Variants in CASK observed in about 807,000 individuals in gnomAD.
CASK encodes peripheral plasma membrane protein CASK.
CASK carries 4 observed loss-of-function variants against 82.9 expected under a neutral mutation model. That is an observed-to-expected ratio of 0.05 (90% CI 0.02 to 0.11). The LOEUF (loss-of-function observed/expected upper bound fraction) is 0.11. Among genes scored for constraint, CASK ranks in the 10% least tolerant of loss-of-function variants. The pLI, the probability that CASK is intolerant of heterozygous loss-of-function variation, is 1.00. For synonymous variants in CASK, 259 were observed against 253.5 expected, an observed-to-expected ratio of 1.02 and a Z score of -0.20; for missense variants, 358 against 720.9, an observed-to-expected ratio of 0.50 and a Z score of 5.76.
intron 5 of CASK, among the ~76,000 whole-genome samples, chrX:41,708,116 C>CA (rs774468294): frequency 0.031 from 950 of 30,686 alleles, 8 homozygotes; most frequent in South Asian, 0.085. Context: ...GACTCCATCT[C>CA]AAAAAAAAAA....
At chrX:41,756,835 C>T in intron 3 of CASK, among the ~76,000 whole-genome samples, 1 of 112,230 alleles carries the variant, frequency 8.9e-6, no homozygotes, top group Non-Finnish European at 1.9e-5. Flanking sequence ...TGGATTCTAA[C>T]TCAGGCAAGC....
intron 2 of CASK, among the ~76,000 whole-genome samples, chrX:41,833,571 G>A (rs1263892373): frequency 9.0e-6 from 1 of 111,127 alleles, no homozygotes; most frequent in Non-Finnish European, 1.9e-5. Context: ...AATGACAGTT[G>A]CACAACTCTG....
intron 26 of CASK, chrX:41,522,365 T>C (rs1024415200): frequency 5.3e-5 from 6 of 112,224 alleles, no homozygotes; most frequent in Non-Finnish European, 9.4e-5. Context: ...TGTCCTCTTT[T>C]ACTGGCATTT....
intron 3 of CASK, among the ~76,000 whole-genome samples, chrX:41,752,568 G>C: frequency 8.9e-6 from 1 of 111,776 alleles, no homozygotes; most frequent in East Asian, 2.8e-4. Flanking sequence ...TGGGATTACA[G>C]GCATGAGCCA....
At chrX:41,818,603 T>C (rs1390188732) in intron 2 of CASK, among the ~76,000 whole-genome samples, 1 of 110,713 alleles carries the variant, frequency 9.0e-6, no homozygotes, top group Non-Finnish European at 1.9e-5. Context: ...ACCCTGTCTC[T>C]ATTTTTTAAA....
At chrX:41,688,928 A>G (rs1490909074) in intron 5 of CASK, 2 of 109,935 alleles carry the variant, frequency 1.8e-5, no homozygotes, top group Non-Finnish European at 3.8e-5. Context: ...GGGGGAAAAA[A>G]AAAACCCTAC....
intron 2 of CASK, among the ~76,000 whole-genome samples, chrX:41,789,755 G>A (rs755168406): frequency 2.7e-5 from 3 of 110,653 alleles, no homozygotes; most frequent in Non-Finnish European, 3.8e-5. Context: ...TTCTGTTTTC[G>A]ACTTAAGTTT....
chrX:41,822,763 G>C (rs777454757), intron 2 of CASK, among the ~76,000 whole-genome samples: 1 of 108,972 alleles, frequency 9.2e-6, no homozygotes, highest in African/African-American at 3.4e-5. Context: ...TGTGACTGGT[G>C]AGGAGACTGA....
intron 1 of CASK, among the ~76,000 whole-genome samples, chrX:41,885,982 G>A (rs1287317685): frequency 8.9e-6 from 1 of 112,179 alleles, no homozygotes; most frequent in Non-Finnish European, 1.9e-5. Flanking sequence ...AAGAAAAGGG[G>A]AGAAATCTCT....
chrX:41,922,614 C>G (rs1194801821), intron 1 of CASK, among the ~76,000 whole-genome samples: 1 of 112,210 alleles, frequency 8.9e-6, no homozygotes, highest in African/African-American at 3.2e-5. Flanking sequence ...GTAACAATAA[C>G]CCCAACTGAA....
chrX:41,546,114 C>T (rs1023455201), intron 21 of CASK, among the ~76,000 whole-genome samples: 1 of 111,338 alleles, frequency 9.0e-6, no homozygotes, highest in East Asian at 2.8e-4. Flanking sequence ...GCTGGGATTA[C>T]GGGTGCCTGC....
Position 41,826,418 on chromosome X carries a change from T to C in CASK, c.172+26697A>G, listed in dbSNP as rs142240455. On this transcript the variant is annotated intron_variant, in intron 2 of 26. Coordinates refer to ENST00000378163, the MANE Select transcript of CASK (RefSeq NM_001367721.1). ...GCACTCTGAAGTCTCTAAGGGAAAATATAAAATATTTCCCTGTCACCATAC... is the reference window on the plus strand; with the variant it reads ...GCACTCTGAAGTCTCTAAGGGAAAACATAAAATATTTCCCTGTCACCATAC... Among the ~76,000 whole-genome samples, 1,117 of 111,912 alleles carry C rather than the reference T, an allele frequency of 1.0e-2. 7 individuals carry two copies. Among genetic ancestry groups the C allele is most frequent in the Non-Finnish European group, 0.016 (857 of 53,122 alleles).
chrX:41,719,520 G>C (rs1001959753), intron 5 of CASK, among the ~76,000 whole-genome samples: 1 of 111,801 alleles, frequency 8.9e-6, no homozygotes, highest in Non-Finnish European at 1.9e-5. Context: ...CTTGTTCCCC[G>C]GTACCATAAA....
At chrX:41,858,085 C>T (rs1150387) in intron 1 of CASK, among the ~76,000 whole-genome samples, 21,562 of 111,360 alleles carry the variant, frequency 0.19, 1,632 homozygotes, top group Middle Eastern at 0.31. Context: ...TATTGTAGGA[C>T]GTGTTTGCTA....
intron 2 of CASK, among the ~76,000 whole-genome samples, chrX:41,800,335 G>C (rs1031325502): frequency 9.1e-6 from 1 of 110,282 alleles, no homozygotes; most frequent in African/African-American, 3.3e-5. Flanking sequence ...GATCTGGGTG[G>C]AACAGCCAAT....
intron 5 of CASK, among the ~76,000 whole-genome samples, chrX:41,721,106 T>C (rs1163980606): frequency 9.0e-6 from 1 of 111,615 alleles, no homozygotes; most frequent in East Asian, 2.8e-4. Context: ...CTAGAACTGT[T>C]AGGCCAAGAG....
At chrX:41,779,933 T>C (rs185167096) in intron 3 of CASK, among the ~76,000 whole-genome samples, 29 of 110,995 alleles carry the variant, frequency 2.6e-4, no homozygotes, top group African/African-American at 8.5e-4. Context: ...TTTTAAAATA[T>C]ACAAAAAAAT....
At chrX:41,855,828 T>A (rs761132433) in intron 1 of CASK, among the ~76,000 whole-genome samples, 8 of 112,545 alleles carry the variant, frequency 7.1e-5, no homozygotes, top group Admixed American at 2.8e-4. Context: ...TGACAGCATT[T>A]CAGATTTAAT....
chrX:41,585,031 C>T (rs2065636177), intron 14 of CASK: 2 of 112,304 alleles, frequency 1.8e-5, no homozygotes, highest in South Asian at 3.7e-4. Flanking sequence ...AGAAAAATTG[C>T]CCTGGCTCAT....
Sources: gnomAD v4.1 joint callset for allele counts (sites outside exome capture counted in the v4.1 genomes callset) on GRCh38, gnomAD v4.1.1 for gene constraint, MANE v1.5 for transcripts, NCBI Gene and HGNC (gene_info 2026-07-23, HGNC 2026-07-21) for gene names.